Variants in HDAC9 observed in about 807,000 individuals in gnomAD.
HDAC9 encodes MEF-2 interacting transcription repressor (MITR) protein.
A neutral mutation model predicts 139.4 loss-of-function variants in HDAC9; 41 were observed. That is an observed-to-expected ratio of 0.29 (90% CI 0.23 to 0.38). HDAC9 has a LOEUF of 0.38. HDAC9 is among the 10% of genes least tolerant of loss of function. HDAC9 has a pLI of 1.00. For synonymous variants in HDAC9, 517 were observed against 476.2 expected (o/e 1.09, Z -1.12); for missense variants, 1,147 against 1,297.0 (o/e 0.88, Z 1.78).
At chr7:18,927,693 A>C (rs1301939096) in intron 22 of HDAC9, among the ~76,000 whole-genome samples, 1 of 152,244 alleles carries the variant, frequency 6.6e-6, no homozygotes, top group African/African-American at 2.4e-5. Context: ...TGTAATTGAC[A>C]TGTTAATAAA....
chr7:18,838,149 A>G (rs1030043835), intron 21 of HDAC9, among the ~76,000 whole-genome samples: 2 of 152,108 alleles, frequency 1.3e-5, no homozygotes, highest in African/African-American at 4.8e-5. Flanking sequence ...TAGGTCAAAC[A>G]GGTAAGTCAT....
chr7:18,199,621 C>T (rs139332052), intron 2 of HDAC9, among the ~76,000 whole-genome samples: 2,779 of 151,680 alleles, frequency 0.018, 41 homozygotes, highest in Middle Eastern at 0.037. Flanking sequence ...CCTGTCTTTA[C>T]AAGACATAAA....
chr7:18,780,941 T>C (rs1791198507), intron 16 of HDAC9, among the ~76,000 whole-genome samples: 1 of 152,022 alleles, frequency 6.6e-6, no homozygotes, highest in African/African-American at 2.4e-5. Flanking sequence ...CATAACACAA[T>C]ACCACAGATT....
chr7:18,725,159 A>G (rs141631822), intron 12 of HDAC9, among the ~76,000 whole-genome samples: 1 of 152,220 alleles, frequency 6.6e-6, no homozygotes, highest in African/African-American at 2.4e-5. Context: ...GGGGCCCACA[A>G]AACATTTTAA....
intron 1 of HDAC9, among the ~76,000 whole-genome samples, chr7:18,447,564 A>G (rs1305775008): frequency 6.6e-6 from 1 of 152,218 alleles, no homozygotes; most frequent in Non-Finnish European, 1.5e-5. Flanking sequence ...TTTGAAATAC[A>G]TCAGATTAAT....
intron 22 of HDAC9, among the ~76,000 whole-genome samples, chr7:18,912,385 A>G (rs2129289964): frequency 1.3e-5 from 2 of 152,262 alleles, no homozygotes; most frequent in Middle Eastern, 3.4e-3. Flanking sequence ...CTATAAAAGT[A>G]TCCAATAAGT....
chr7:18,331,734 A>G (rs893386687), intron 1 of HDAC9, among the ~76,000 whole-genome samples: 1 of 151,706 alleles, frequency 6.6e-6, no homozygotes, highest in Non-Finnish European at 1.5e-5. Context: ...GAGGTGATGA[A>G]GTAGTGGACT....
At chr7:18,653,035 G>A (rs1400656313) in intron 11 of HDAC9, among the ~76,000 whole-genome samples, 1 of 151,986 alleles carries the variant, frequency 6.6e-6, no homozygotes, top group African/African-American at 2.4e-5. Flanking sequence ...TGGGGAGTTC[G>A]AGACCAGCCT....
At chr7:18,558,376 A>G (rs890978330) in intron 2 of HDAC9, among the ~76,000 whole-genome samples, 2 of 152,174 alleles carry the variant, frequency 1.3e-5, no homozygotes, top group Admixed American at 6.5e-5. Flanking sequence ...TAAAAATGCT[A>G]TCTCAAGGTC....
chr7:18,320,804 G>A (rs888902032), intron 1 of HDAC9, among the ~76,000 whole-genome samples: 6 of 152,108 alleles, frequency 3.9e-5, no homozygotes, highest in African/African-American at 1.4e-4. Flanking sequence ...AAGAGCACTG[G>A]GCCGGGGGTA....
chr7:18,618,010 A>T (rs1460266318), intron 6 of HDAC9, among the ~76,000 whole-genome samples: 1 of 152,146 alleles, frequency 6.6e-6, no homozygotes, highest in Non-Finnish European at 1.5e-5. Context: ...TAGTCTTTTA[A>T]ATATTATTTT....
chr7:18,929,334 A>G (rs891559069), intron 22 of HDAC9, among the ~76,000 whole-genome samples: 7 of 152,202 alleles, frequency 4.6e-5, no homozygotes, highest in Admixed American at 1.3e-4. Flanking sequence ...AATCAAAAAT[A>G]TTAAATTTGT....
chr7:18,931,364 G>A (rs191425319), intron 22 of HDAC9, among the ~76,000 whole-genome samples: 2 of 152,152 alleles, frequency 1.3e-5, no homozygotes, highest in African/African-American at 2.4e-5. Flanking sequence ...GATTCTTATC[G>A]GCATCATAAT....
At chr7:18,541,946 G>C (rs1398798883) in intron 2 of HDAC9, among the ~76,000 whole-genome samples, 1 of 152,102 alleles carries the variant, frequency 6.6e-6, no homozygotes, top group African/African-American at 2.4e-5. Flanking sequence ...ATTTAGATCA[G>C]GGTTTTTGAG....
At chr7:18,171,422 T>C (rs1206560467) in intron 2 of HDAC9, among the ~76,000 whole-genome samples, 1 of 152,210 alleles carries the variant, frequency 6.6e-6, no homozygotes, top group Non-Finnish European at 1.5e-5. Context: ...CTTTTCCTAA[T>C]TGAATACCCT....
intron 1 of HDAC9, among the ~76,000 whole-genome samples, chr7:18,158,885 G>A (rs1388461603): frequency 1.3e-5 from 2 of 152,328 alleles, no homozygotes; most frequent in Non-Finnish European, 2.9e-5. Flanking sequence ...GGATGTCACT[G>A]TCTTGAGTTG....
chr7:18,274,966 G>A (rs903605810), intron 2 of HDAC9, among the ~76,000 whole-genome samples: 6 of 152,206 alleles, frequency 3.9e-5, no homozygotes, highest in Non-Finnish European at 7.3e-5. Context: ...GATGGGGGCT[G>A]TGAATGCCAT....
chr7:18,157,000 A>T (rs1241571215), intron 1 of HDAC9, among the ~76,000 whole-genome samples: 1 of 152,330 alleles, frequency 6.6e-6, no homozygotes, highest in East Asian at 1.9e-4. Flanking sequence ...AGGTGGGAGG[A>T]TCACTTGAGC....
chr7:18,709,361 GA>G (rs542010428), intron 12 of HDAC9, among the ~76,000 whole-genome samples: 2 of 152,134 alleles, frequency 1.3e-5, no homozygotes, highest in Admixed American at 1.3e-4. Context: ...CCATGTCCCT[GA>G]AAAGGACATG....
Sources: allele counts gnomAD v4.1 joint callset (sites outside exome capture counted in the v4.1 genomes callset), GRCh38; gene constraint gnomAD v4.1.1; transcripts MANE v1.5; gene names NCBI Gene and HGNC (gene_info 2026-07-23, HGNC 2026-07-21).